The following DLGAP1 variants were observed in gnomAD, a reference collection of about 807,000 sequenced individuals.
DLGAP1 encodes disks large-associated protein 1.
DLGAP1 carries 11 observed loss-of-function variants against 90.8 expected under a neutral mutation model. The observed-to-expected ratio is 0.12, with a 90% CI of 0.08 to 0.20. The LOEUF (loss-of-function observed/expected upper bound fraction) is 0.20. Ranked by LOEUF, DLGAP1 falls within the 10% of genes least tolerant of loss-of-function variation. The probability of loss-of-function intolerance (pLI) is 1.00; values close to 1 mark genes in which losing one functional copy is unlikely to be tolerated. For synonymous variants in DLGAP1, 558 were observed against 540.7 expected, an observed-to-expected ratio of 1.03 and a Z score of -0.44; for missense variants, 1,050 against 1,333.8, an observed-to-expected ratio of 0.79 and a Z score of 3.31.
chr18:3,897,652 C>A (rs1568286847), intron 3 of DLGAP1, among the ~76,000 whole-genome samples: 3 of 152,042 alleles, frequency 2.0e-5, no homozygotes, highest in Admixed American at 2.0e-4. Flanking sequence ...GACTTGGAGG[C>A]ACTGAAAGTT....
chr18:3,608,649 G>C (rs1273562090), intron 7 of DLGAP1, among the ~76,000 whole-genome samples: 2 of 152,078 alleles, frequency 1.3e-5, no homozygotes, highest in Non-Finnish European at 2.9e-5. Flanking sequence ...TGTGAGAGCT[G>C]GCCACGAGGG....
intron 2 of DLGAP1, among the ~76,000 whole-genome samples, chr18:4,123,293 G>A (rs1211121003): frequency 6.6e-6 from 1 of 152,076 alleles, no homozygotes; most frequent in Admixed American, 6.5e-5. Flanking sequence ...AAGGAGAAAG[G>A]GGGATCAGTT....
intron 1 of DLGAP1, among the ~76,000 whole-genome samples, chr18:4,216,123 C>T (rs1221809055): frequency 6.6e-6 from 1 of 152,072 alleles, no homozygotes; most frequent in Non-Finnish European, 1.5e-5. Flanking sequence ...CCTCAGGAAA[C>T]TTACAATCAT....
chr18:3,819,142 C>T (rs1466879996), intron 4 of DLGAP1, among the ~76,000 whole-genome samples: 1 of 151,838 alleles, frequency 6.6e-6, no homozygotes, highest in East Asian at 2.0e-4. Flanking sequence ...AACCCCGTCT[C>T]TACTAAAAAT....
chr18:3,621,398 CAAGTTTAGCCTA>C (rs2058092606), intron 7 of DLGAP1, among the ~76,000 whole-genome samples: 1 of 152,226 alleles, frequency 6.6e-6, no homozygotes, highest in East Asian at 1.9e-4. Flanking sequence ...TCTGTTAAAT[CAAGTTTAGCCTA>C]AAGTGGCCTC....
In DLGAP1 at chr18:3,990,075, T is replaced by C. The variant is rs1280096721; in HGVS notation, c.-73+15041A>G. 9.9e-5 allele frequency among the ~76,000 whole-genome samples: 15 copies of C among 151,810 alleles called. No individual in the cohort carries two copies. The East Asian group carries it at 1.4e-3, about 14-fold the overall frequency. On this transcript the variant is annotated intron_variant, in intron 3 of 12. Transcript: ENST00000315677. ...TCAACCATTGTGGAAGTCGGTGTGG[T>C]GATTCCTCAGGGATCTAGAACTAGA...
intron 1 of DLGAP1, among the ~76,000 whole-genome samples, chr18:4,253,661 C>T (rs892326895): frequency 6.6e-6 from 1 of 152,158 alleles, no homozygotes; most frequent in East Asian, 1.9e-4. Flanking sequence ...TCACCTGCCT[C>T]ATCCTCCCAA....
intron 2 of DLGAP1, among the ~76,000 whole-genome samples, chr18:4,141,284 G>C (rs2076490683): frequency 6.6e-6 from 1 of 151,942 alleles, no homozygotes; most frequent in Non-Finnish European, 1.5e-5. Flanking sequence ...TAAGGTTACA[G>C]AGACTAAGTA....
At chr18:3,773,634 A>G (rs1377034189) in intron 5 of DLGAP1, among the ~76,000 whole-genome samples, 1 of 152,234 alleles carries the variant, frequency 6.6e-6, no homozygotes, top group Non-Finnish European at 1.5e-5. Flanking sequence ...ACCTAACAAT[A>G]GTGTTCATAA....
At chr18:4,041,148 A>G (rs1306802521) in intron 2 of DLGAP1, among the ~76,000 whole-genome samples, 2 of 152,230 alleles carry the variant, frequency 1.3e-5, no homozygotes, top group African/African-American at 4.8e-5. Context: ...AAGAACCTCA[A>G]TTACTTTTGC....
chr18:3,944,534 T>C (rs965592449), intron 3 of DLGAP1, among the ~76,000 whole-genome samples: 1 of 151,658 alleles, frequency 6.6e-6, no homozygotes, highest in Non-Finnish European at 1.5e-5. Flanking sequence ...CTGTGGCTAC[T>C]GCTCCCACAG....
At chr18:4,169,066 T>C (rs1036977075) in intron 1 of DLGAP1, among the ~76,000 whole-genome samples, 1 of 152,242 alleles carries the variant, frequency 6.6e-6, no homozygotes, top group Admixed American at 6.5e-5. Flanking sequence ...AGTATGTTTC[T>C]AGAGTGCAAT....
intron 1 of DLGAP1, among the ~76,000 whole-genome samples, chr18:4,390,819 C>T (rs1160097371): frequency 1.3e-5 from 2 of 152,146 alleles, no homozygotes; most frequent in Non-Finnish European, 2.9e-5. Context: ...ATAGGCAGTT[C>T]TAGAGGCCCC....
intron 4 of DLGAP1, among the ~76,000 whole-genome samples, chr18:3,853,491 A>T (rs183222855): frequency 6.6e-6 from 1 of 151,964 alleles, no homozygotes; most frequent in East Asian, 1.9e-4. Context: ...GCACAGTAAC[A>T]GGCGGTAAGA....
At chr18:4,303,909 G>A (rs1344411968) in intron 1 of DLGAP1, among the ~76,000 whole-genome samples, 1 of 152,148 alleles carries the variant, frequency 6.6e-6, no homozygotes, top group East Asian at 1.9e-4. Context: ...TGTTAGAACT[G>A]GTTTTGAAAA....
At chr18:3,522,110 T>TA (rs1244721588) in intron 10 of DLGAP1, among the ~76,000 whole-genome samples, 38 of 150,694 alleles carry the variant, frequency 2.5e-4, no homozygotes, top group Admixed American at 2.1e-3. Context: ...TTTTTTTTTT[T>TA]ACCCACTTGC....
At chr18:4,193,989 T>A (rs1023578353) in intron 1 of DLGAP1, among the ~76,000 whole-genome samples, 23 of 152,194 alleles carry the variant, frequency 1.5e-4, no homozygotes, top group Non-Finnish European at 2.9e-4. Context: ...TCTATTATAA[T>A]TTCAAAATTT....
chr18:4,357,114 C>T (rs71358046), intron 1 of DLGAP1, among the ~76,000 whole-genome samples: 23,316 of 144,898 alleles, frequency 0.16, 2,190 homozygotes, highest in East Asian at 0.29. Flanking sequence ...TGTGTGTGTA[C>T]GATATACCAT....
At chr18:3,550,589 C>T (rs2144787039) in intron 9 of DLGAP1, among the ~76,000 whole-genome samples, 1 of 152,002 alleles carries the variant, frequency 6.6e-6, no homozygotes, top group Admixed American at 6.6e-5. Context: ...TGACTGGTGT[C>T]CTTATAAAAA....
Sources: gnomAD v4.1 joint callset for allele counts (sites outside exome capture counted in the v4.1 genomes callset) on GRCh38, gnomAD v4.1.1 for gene constraint, MANE v1.5 for transcripts, NCBI Gene and HGNC (gene_info 2026-07-23, HGNC 2026-07-21) for gene names.